NLRP9: variants seen among roughly 807,000 people sequenced by gnomAD.
NLRP9 encodes the protein NLR family pyrin domain containing 9, also known as NACHT, LRR and PYD domains-containing protein 9.
Under a neutral mutation model 83.1 loss-of-function variants are expected in NLRP9, and 88 were observed. The ratio of observed to expected loss-of-function variants is 1.06; its 90% CI spans 0.89 to 1.26. The LOEUF is 1.26. Ranked by LOEUF, NLRP9 falls within the 50% of genes most tolerant of loss-of-function variation. The pLI is 0.00. For synonymous variants in NLRP9, 521 were observed against 447.6 expected (o/e 1.16, Z -2.07); for missense variants, 1,308 against 1,179.3 (o/e 1.11, Z -1.60).
At position 55,732,814 on chromosome 19, in the gene NLRP9, C is replaced by T. The variant is rs2122332727; in HGVS notation, c.1017G>A (p.Thr339=). 1.2e-6 allele frequency: 2 copies of T among 1,614,124 alleles called. No homozygotes were observed. Among genetic ancestry groups the T allele is most frequent in the Admixed American group, 3.3e-5 (2 of 60,020 alleles). The change falls in exon 2 of 9, where the codon ACG becomes ACA. Residue 339 remains threonine (T), a synonymous_variant. Transcript: ENST00000332836. ...TCACACAAGTACAGACCAACCAGCA[C>T]GTAAAGGGATTATGGCACAAGATAA... The part of the protein sequence containing the change: ...PLFILCHNPF[T]CWLVCTCVKQ...
chr19:55,724,584 T>C (rs1427947145), intron 3 of NLRP9, among the ~76,000 whole-genome samples: 1 of 151,976 alleles, frequency 6.6e-6, no homozygotes, highest in Admixed American at 6.6e-5. Flanking sequence ...TGTTTTAAAA[T>C]TAAGATTTTT....
rs200510267 is a variant in NLRP9 at position 55,738,110 on chromosome 19, G to A, written c.265C>T (p.Gln89Ter). Reference protein sequence around the residue: ...INRKDLWTKAQEEMRNKLNPY... With the variant: ...INRKDLWTKA The stretch of plus-strand genomic sequence containing the variant: ...CAGCACTTACTTCTCATCTCTTCCT[G>A]AGCCTTTGTCCAGAGATCTTTCCTA... Residue 89 changes from glutamine (Q) to a stop codon, truncating the protein, a stop_gained, in exon 1 of 9, where the codon CAG (glutamine) becomes TAG (stop). Coordinates refer to ENST00000332836, the MANE Select transcript of NLRP9 (RefSeq NM_176820.4). LOFTEE classifies it high-confidence loss of function. The A allele has an allele frequency of 3.1e-6, 5 of 1,613,964 alleles. No individual in the cohort carries two copies. The East Asian group carries it at 8.9e-5, about 29-fold the overall frequency.
At chr19:55,714,398 C>G (rs960146085) in intron 6 of NLRP9, among the ~76,000 whole-genome samples, 1 of 152,038 alleles carries the variant, frequency 6.6e-6, no homozygotes, top group Non-Finnish European at 1.5e-5. Flanking sequence ...GAGGCTCTAG[C>G]TATCCTCTCA....
At chr19:55,730,213 A>G (rs1449939199) in intron 2 of NLRP9, among the ~76,000 whole-genome samples, 1 of 152,214 alleles carries the variant, frequency 6.6e-6, no homozygotes, top group Non-Finnish European at 1.5e-5. Flanking sequence ...CAGCACTTTG[A>G]GAGGCCAAGG....
intron 8 of NLRP9, chr19:55,709,543 C>T (rs1205782715): frequency 2.0e-5 from 3 of 152,216 alleles, no homozygotes; most frequent in Non-Finnish European, 2.9e-5. Context: ...ATATGTCAAA[C>T]GTTCTTGTCT....
rs1988663203 is a variant in NLRP9, at chr19:55,733,368, C to T, written c.463G>A (p.Gly155Arg). ...CTTAAAAGGGTTGTTTTTCCAATTC[C>T]ATCAGGACCTTCCAGGACCACAGTG... ...RHTVVLEGPD[G>R]IGKTTLLRKV... The change falls in exon 2 of 9, where the codon GGA becomes AGA. Residue 155 changes from glycine to arginine, a missense_variant. Coordinates refer to ENST00000332836, the MANE Select transcript of NLRP9 (RefSeq NM_176820.4). 3 of 1,614,174 alleles carry T rather than the reference C, an allele frequency of 1.9e-6. No individual in the cohort carries two copies. The highest frequency in any genetic ancestry group is 2.5e-6 in the Non-Finnish European group (3 of 1,180,028).
intron 5 of NLRP9, 84 bp from the exon 6 acceptor site, chr19:55,715,309 A>C (rs1246108670): frequency 8.4e-7 from 1 of 1,196,170 alleles, no homozygotes; most frequent in African/African-American, 1.5e-5. Flanking sequence ...CAGCCCACTG[A>C]AGCTTCCTAT....
At position 55,708,764 on chromosome 19, in the gene NLRP9, T is replaced by C. The variant is rs1987555043; in HGVS notation, c.*148A>G. On this transcript the variant is annotated 3_prime_UTR_variant, in exon 9 of 9. Transcript: ENST00000332836. ...AGCATGTACACTGAATCACACTCCA[T>C]AATCATATTGCTAGAACACTTAGGG... 1.8e-6 allele frequency: 1 copy of C among 561,206 alleles called. No homozygotes were observed. The highest frequency in any genetic ancestry group is 3.1e-6 in the Non-Finnish European group (1 of 320,562). 34.8% of individuals were successfully genotyped at this position (561,206 alleles called of 1,614,324 possible).
intron 6 of NLRP9, 86 bp downstream of exon 6, chr19:55,714,969 G>A: frequency 7.8e-7 from 1 of 1,274,120 alleles, no homozygotes. Flanking sequence ...TCAGATGCTA[G>A]CATATCCCTT....
At chr19:55,736,208 G>A (rs921938367) in intron 1 of NLRP9, among the ~76,000 whole-genome samples, 10 of 151,868 alleles carry the variant, frequency 6.6e-5, no homozygotes, top group Non-Finnish European at 8.8e-5. Context: ...TGGCTAACAC[G>A]GTGAGACCCC....
intron 2 of NLRP9, 30 bp downstream of exon 2, chr19:55,731,969 G>A (rs376222958): frequency 4.8e-4 from 675 of 1,398,050 alleles, no homozygotes; most frequent in Non-Finnish European, 6.2e-4. Context: ...AGTGTAGTGT[G>A]TGGGACGGGG....
Position 55,738,345 on chromosome 19 carries a change from G to T in NLRP9, c.30C>A (p.Gly10=). The T allele has an allele frequency of 6.2e-7, 1 of 1,613,346 alleles. No individual in the cohort carries two copies. Among genetic ancestry groups the T allele is most frequent in the Non-Finnish European group, 8.5e-7 (1 of 1,179,842 alleles). Residue 10 remains glycine (G), a synonymous_variant, in exon 1 of 9, where the codon GGC becomes GGA. Coordinates refer to ENST00000332836, the MANE Select transcript of NLRP9 (RefSeq NM_176820.4). The part of the protein sequence containing the change: MAESFFSDF[G]LLWYLKELRK... ...TGAGCTCCTTCAGATACCACAACAA[G>T]CCAAAATCCGAAAAAAAAGATTCTG...
intron 8 of NLRP9, 88 bp from the exon 9 acceptor site, chr19:55,709,132 C>CCT (rs1349863917): frequency 2.1e-5 from 18 of 866,392 alleles, no homozygotes; most frequent in Non-Finnish European, 2.7e-5. Context: ...CCTCTCCTCT[C>CCT]CTCTTTATTC....
At chr19:55,715,014 AAAGAAACCCTGACATTG>A in intron 6 of NLRP9, 24 bp downstream of exon 6, 1 of 1,565,102 alleles carries the variant, frequency 6.4e-7, no homozygotes, top group Non-Finnish European at 8.7e-7. Flanking sequence ...GTATCCAAAA[AAAGAAACCCTGACATTG>A]AAGCAAATCA....
intron 4 of NLRP9, among the ~76,000 whole-genome samples, chr19:55,722,473 T>C (rs1383935399): frequency 6.6e-6 from 1 of 152,216 alleles, no homozygotes; most frequent in Non-Finnish European, 1.5e-5. Context: ...CTCTTTCTCC[T>C]GATGGGTCTA....
intron 5 of NLRP9, among the ~76,000 whole-genome samples, chr19:55,715,852 A>C (rs1458286930): frequency 6.6e-6 from 1 of 152,234 alleles, no homozygotes; most frequent in African/African-American, 2.4e-5. Context: ...CAGAGTATAC[A>C]TATGGCTTAA....
chr19:55,727,625 A>G (rs1988440760), intron 3 of NLRP9, among the ~76,000 whole-genome samples: 1 of 152,190 alleles, frequency 6.6e-6, no homozygotes, highest in South Asian at 2.1e-4. Context: ...AAAACAGTTC[A>G]GTGAGGTCCA....
Position 55,732,322 on chromosome 19 carries a change from G to C in NLRP9, c.1509C>G (p.Ile503Met). The stretch of plus-strand genomic sequence containing the variant: ...CAAAGGAGGTCTCCAGCATGCTGAC[G>C]ATTTCTTCTGTTGAAATTCCAAACA... ...IFMFGISTEE[I>M]VSMLETSFGF... The change falls in exon 2 of 9, where the codon ATC (isoleucine) becomes ATG (methionine). Residue 503 changes from isoleucine (I) to methionine (M), a missense_variant. By Grantham distance (10) the Ile-to-Met change is conservative. Coordinates refer to ENST00000332836, the MANE Select transcript of NLRP9 (RefSeq NM_176820.4). 6.2e-7 allele frequency: 1 copy of C among 1,614,144 alleles called. No individual in the cohort carries two copies. The highest frequency in any genetic ancestry group is 1.1e-5 in the South Asian group (1 of 91,080).
intron 3 of NLRP9, among the ~76,000 whole-genome samples, chr19:55,725,483 G>A (rs1293675682): frequency 6.6e-6 from 1 of 152,118 alleles, no homozygotes; most frequent in African/African-American, 2.4e-5. Context: ...AAACTAGAAT[G>A]GAAATTTTGA....
Sources: gnomAD v4.1 joint callset for allele counts (sites outside exome capture counted in the v4.1 genomes callset) on GRCh38, gnomAD v4.1.1 for gene constraint, MANE v1.5 for transcripts, NCBI Gene and HGNC (gene_info 2026-07-23, HGNC 2026-07-21) for gene names.